GRIK4: variants seen among roughly 807,000 people sequenced by gnomAD.
GRIK4 encodes the protein glutamate ionotropic receptor kainate type subunit 4.
A neutral mutation model predicts 104.9 loss-of-function variants in GRIK4; 40 were observed. The observed-to-expected ratio is 0.38, with a 90% CI of 0.30 to 0.50. GRIK4 has a LOEUF of 0.50. GRIK4 is among the 20% of genes least tolerant of loss of function. The pLI, the probability that GRIK4 is intolerant of heterozygous loss-of-function variation, is 0.93. For missense variants in GRIK4, 1,047 were observed against 1,308.1 expected (o/e 0.80, Z 3.08); for synonymous variants, 485 against 524.9 (o/e 0.92, Z 1.04).
At chr11:120,671,208 G>A (rs954436490) in intron 3 of GRIK4, among the ~76,000 whole-genome samples, 1 of 152,108 alleles carries the variant, frequency 6.6e-6, no homozygotes, top group Non-Finnish European at 1.5e-5. Context: ...AATCCTTTGG[G>A]TATATACCCA....
chr11:120,725,179 A>G (rs1362962660), intron 3 of GRIK4, among the ~76,000 whole-genome samples: 1 of 152,242 alleles, frequency 6.6e-6, no homozygotes, highest in Non-Finnish European at 1.5e-5. Context: ...TGATTTGAAT[A>G]AGAGTTGAGA....
chr11:120,931,488 C>G (rs892858983), intron 13 of GRIK4, among the ~76,000 whole-genome samples: 4 of 152,154 alleles, frequency 2.6e-5, no homozygotes, highest in African/African-American at 9.7e-5. Context: ...TCCCTTCAAT[C>G]TTTTTCTTCA....
rs755332868 is a variant in GRIK4, at chr11:120,956,882, C to A, written c.1803C>A (p.Val601=). ...YSLGNSLWFP[V]GGFMQQGSTI... The stretch of plus-strand genomic sequence containing the variant: ...TGGGCAACAGCCTCTGGTTTCCGGT[C>A]GGGGGGTTCATGCAGCAAGGCTCCA... Residue 601 remains valine, a synonymous_variant, in exon 16 of 21, where the codon GTC becomes GTA. Coordinates refer to ENST00000527524, the MANE Select transcript of GRIK4 (RefSeq NM_014619.5). The surrounding 1 kb of genome is among the most constrained non-coding windows in gnomAD (Gnocchi z 4.6). 3 of 1,613,688 alleles carry A rather than the reference C, an allele frequency of 1.9e-6. No homozygotes were observed. The highest frequency in any genetic ancestry group is 2.5e-6 in the Non-Finnish European group (3 of 1,179,820).
At chr11:120,535,552 G>A (rs754239525) in intron 1 of GRIK4, among the ~76,000 whole-genome samples, 2 of 152,106 alleles carry the variant, frequency 1.3e-5, no homozygotes, top group African/African-American at 2.4e-5. Flanking sequence ...CATGTAGGAG[G>A]GAAGGAGCTG....
rs530212636 is a variant in GRIK4, at chr11:120,952,134, C to T, written c.1591-721C>T. On this transcript the variant is annotated intron_variant, in intron 14 of 20. Coordinates refer to ENST00000527524, the MANE Select transcript of GRIK4 (RefSeq NM_014619.5). This position sits in a 1 kb window ranked among gnomAD's most constrained non-coding sequence, Gnocchi z 5.2. ...TTCCATTCCTGGCTCCATTGTCTGG[C>T]TCACAGGACTCTGGCCAGACTCATC... 1.3e-5 allele frequency among the ~76,000 whole-genome samples: 2 copies of T among 152,278 alleles called. No homozygotes were observed. The highest frequency in any genetic ancestry group is 4.1e-4 in the South Asian group (2 of 4,820).
At chr11:120,937,799 A>G (rs898363089) in intron 13 of GRIK4, among the ~76,000 whole-genome samples, 1 of 152,248 alleles carries the variant, frequency 6.6e-6, no homozygotes, top group Non-Finnish European at 1.5e-5. Context: ...GTGTCTCCAC[A>G]GGGACATATG....
chr11:120,706,516 A>G (rs1208088132), intron 3 of GRIK4, among the ~76,000 whole-genome samples: 1 of 152,056 alleles, frequency 6.6e-6, no homozygotes, highest in East Asian at 1.9e-4. Flanking sequence ...CCCAGGGGTG[A>G]GTCATGTAGA....
At chr11:120,932,121 A>AC (rs1943494577) in intron 13 of GRIK4, among the ~76,000 whole-genome samples, 3 of 145,574 alleles carry the variant, frequency 2.1e-5, no homozygotes, top group Admixed American at 6.9e-5. Context: ...GACATATATA[A>AC]CCCCCCTATA....
intron 1 of GRIK4, among the ~76,000 whole-genome samples, chr11:120,583,420 T>G (rs117764543): frequency 0.039 from 5,979 of 152,332 alleles, 156 homozygotes; most frequent in East Asian, 0.1. Context: ...ATGAAATCTT[T>G]GCCAATGCCT....
chr11:120,979,895 C>T (rs893405850), intron 19 of GRIK4, among the ~76,000 whole-genome samples: 3 of 152,134 alleles, frequency 2.0e-5, no homozygotes, highest in Admixed American at 2.0e-4. Flanking sequence ...TGCTGGGGCA[C>T]GATGTCGGAT....
chr11:120,794,721 G>A (rs1289410991), intron 3 of GRIK4, among the ~76,000 whole-genome samples: 3 of 152,170 alleles, frequency 2.0e-5, no homozygotes, highest in Admixed American at 6.5e-5. Flanking sequence ...AGGAATTTTG[G>A]TTGTTTAAGC....
At chr11:120,919,585 C>T (rs1565439016) in intron 13 of GRIK4, among the ~76,000 whole-genome samples, 1 of 152,124 alleles carries the variant, frequency 6.6e-6, no homozygotes, top group African/African-American at 2.4e-5. Flanking sequence ...GGTGCTGATT[C>T]GAGCTTAGGT....
intron 1 of GRIK4, among the ~76,000 whole-genome samples, chr11:120,606,055 A>G (rs1011312575): frequency 6.6e-6 from 1 of 152,194 alleles, no homozygotes; most frequent in Non-Finnish European, 1.5e-5. Flanking sequence ...CAGACACTTG[A>G]AAAAGTTCAT....
chr11:120,806,708 G>A (rs145706178), intron 4 of GRIK4, among the ~76,000 whole-genome samples: 68 of 152,342 alleles, frequency 4.5e-4, no homozygotes, highest in African/African-American at 1.5e-3. Flanking sequence ...CACACTTAAT[G>A]AATCCTATTC....
At chr11:120,717,530 G>T (rs1950856801) in intron 3 of GRIK4, among the ~76,000 whole-genome samples, 1 of 151,932 alleles carries the variant, frequency 6.6e-6, no homozygotes, top group African/African-American at 2.4e-5. Flanking sequence ...GACACCGCAG[G>T]GCCAGGAAAT....
rs752839195 is a variant in GRIK4 at position 120,874,112 on chromosome 11, C to A, written c.953C>A (p.Ala318Glu). The change falls in exon 10 of 21, where the codon GCG (alanine) becomes GAG (glutamate). Residue 318 changes from alanine to glutamate, a missense_variant. By Grantham distance (107) the Ala-to-Glu change is moderately radical. Coordinates refer to ENST00000527524, the MANE Select transcript of GRIK4 (RefSeq NM_014619.5). ...LFDAVYAVVTAVQELNRSQEI... is the reference protein window; with the variant it reads ...LFDAVYAVVTEVQELNRSQEI... ...GATGCTGTCTATGCTGTGGTGACTG[C>A]GGTGCAGGAACTGAACCGGAGCCAA... 2 of 1,613,828 alleles carry A rather than the reference C, an allele frequency of 1.2e-6. No individual in the cohort carries two copies. The highest frequency in any genetic ancestry group is 1.7e-6 in the Non-Finnish European group (2 of 1,179,782).
intron 1 of GRIK4, among the ~76,000 whole-genome samples, chr11:120,538,501 CT>C (rs780640535): frequency 2.8e-4 from 43 of 152,228 alleles, no homozygotes; most frequent in Non-Finnish European, 5.6e-4. Context: ...TTTCCCTTTC[CT>C]TTCTCCGTGA....
chr11:120,729,407 T>C (rs1951089208), intron 3 of GRIK4, among the ~76,000 whole-genome samples: 1 of 152,242 alleles, frequency 6.6e-6, no homozygotes, highest in Admixed American at 6.5e-5. Context: ...TTTCTCCACA[T>C]GCTTGCCAGC....
Position 120,547,463 on chromosome 11 carries a change from G to C in GRIK4, c.-159+35576G>C, listed in dbSNP as rs12294271. Among the ~76,000 whole-genome samples, 876 of 152,256 alleles carry C rather than the reference G, an allele frequency of 5.8e-3. 13 individuals are homozygous for C. The highest frequency in any genetic ancestry group is 0.02 in the African/African-American group (826 of 41,536). ...AGACTCTGGTCGGCGGTGACCACAT[G>C]CTCACACAGGCATAAAATCTCACCG... On this transcript the variant is annotated intron_variant, in intron 1 of 20. Transcript: ENST00000527524.
Sources: gnomAD v4.1 joint callset for allele counts (sites outside exome capture counted in the v4.1 genomes callset) on GRCh38, gnomAD v4.1.1 for gene constraint, Gnocchi (gnomAD v3.1) non-coding constraint, MANE v1.5 for transcripts, NCBI Gene and HGNC (gene_info 2026-07-23, HGNC 2026-07-21) for gene names.